Variants in DOK5 observed in about 807,000 individuals in gnomAD.
DOK5 encodes the protein docking protein 5.
A neutral mutation model predicts 43.3 loss-of-function variants in DOK5; 27 were observed. The observed-to-expected ratio is 0.62, with a 90% CI of 0.46 to 0.86. DOK5 has a LOEUF of 0.86. Ranked by LOEUF, DOK5 falls within the 40% of genes least tolerant of loss-of-function variation. The probability of loss-of-function intolerance (pLI) is 0.00; values close to 1 mark genes in which losing one functional copy is unlikely to be tolerated. For missense variants in DOK5, 373 were observed against 392.9 expected, an observed-to-expected ratio of 0.95 and a Z score of 0.43; for synonymous variants, 146 against 140.1, an observed-to-expected ratio of 1.04 and a Z score of -0.30.
intron 2 of DOK5, among the ~76,000 whole-genome samples, chr20:54,582,520 T>G (rs1363669670): frequency 6.6e-6 from 1 of 151,452 alleles, no homozygotes; most frequent in Non-Finnish European, 1.5e-5. Flanking sequence ...TCATGTGTAT[T>G]TCTTTGTTGG....
intron 6 of DOK5, among the ~76,000 whole-genome samples, chr20:54,614,983 T>G (rs1378020403): frequency 1.3e-5 from 2 of 152,250 alleles, no homozygotes; most frequent in Non-Finnish European, 2.9e-5. Flanking sequence ...AGGAATTGCC[T>G]TTATATGACT....
At chr20:54,616,659 T>TGGGCATAGCATATGTCCAC in intron 6 of DOK5, among the ~76,000 whole-genome samples, 1 of 152,310 alleles carries the variant, frequency 6.6e-6, no homozygotes, top group Middle Eastern at 3.4e-3. Context: ...GGTCAGGAGT[T>TGGGCATAGCATATGTCCAC]TTGGCATAGC....
chr20:54,611,045 G>A (rs1986635397), intron 6 of DOK5, among the ~76,000 whole-genome samples: 1 of 152,178 alleles, frequency 6.6e-6, no homozygotes, highest in South Asian at 2.1e-4. Flanking sequence ...CTGCTAGTTG[G>A]TAACTGTTGG....
chr20:54,581,748 T>G (rs1396182073), intron 2 of DOK5, among the ~76,000 whole-genome samples: 1 of 151,994 alleles, frequency 6.6e-6, no homozygotes. Context: ...ATCGTGCCAT[T>G]TTACTGAATT....
At chr20:54,634,438 T>C (rs1421494435) in intron 6 of DOK5, among the ~76,000 whole-genome samples, 1 of 53,336 alleles carries the variant, frequency 1.9e-5, no homozygotes, top group East Asian at 2.2e-4. Context: ...CATATCATGC[T>C]TTTTTTTTTT....
At chr20:54,616,991 C>T (rs998655480) in intron 6 of DOK5, among the ~76,000 whole-genome samples, 6 of 152,056 alleles carry the variant, frequency 3.9e-5, no homozygotes, top group African/African-American at 1.4e-4. Flanking sequence ...GGGGTTTCAC[C>T]TTGTTAGCCA....
chr20:54,606,354 T>C (rs1986468806), intron 5 of DOK5, among the ~76,000 whole-genome samples: 1 of 152,172 alleles, frequency 6.6e-6, no homozygotes, highest in Non-Finnish European at 1.5e-5. Flanking sequence ...TGGGGCCACT[T>C]TGGATACAGG....
chr20:54,523,033 C>A (rs1461892555), intron 1 of DOK5, among the ~76,000 whole-genome samples: 1 of 152,054 alleles, frequency 6.6e-6, no homozygotes, highest in Non-Finnish European at 1.5e-5. Flanking sequence ...AAAAGTATGT[C>A]TGGTACATAA....
chr20:54,498,190 G>T (rs528909416), intron 1 of DOK5, among the ~76,000 whole-genome samples: 44 of 152,104 alleles, frequency 2.9e-4, no homozygotes, highest in Non-Finnish European at 4.0e-4. Flanking sequence ...TTAGTGAGGC[G>T]GTGTTACTTT....
chr20:54,557,142 C>T (rs1226030060), intron 2 of DOK5, among the ~76,000 whole-genome samples: 1 of 152,052 alleles, frequency 6.6e-6, no homozygotes, highest in Admixed American at 6.6e-5. Flanking sequence ...AGAGTCTGTT[C>T]GAAACACTTA....
At position 54,545,128 on chromosome 20, in the gene DOK5, C is replaced by A. The variant is rs112778152; in HGVS notation, c.67-9805C>A. On this transcript the variant is annotated intron_variant, in intron 1 of 7. Coordinates refer to ENST00000262593, the MANE Select transcript of DOK5 (RefSeq NM_018431.5). Reference sequence around the variant, plus strand: ...CTAAGGGCAGTTTTGAGATTAAAGGCAAGATGAGGGCTGATTAGATCAAAT... The same window carrying A: ...CTAAGGGCAGTTTTGAGATTAAAGGAAAGATGAGGGCTGATTAGATCAAAT... Among the ~76,000 whole-genome samples, 234 of 152,272 alleles carry A rather than the reference C, an allele frequency of 1.5e-3. 1 individual carries two copies. Among genetic ancestry groups the A allele is most frequent in the African/African-American group, 3.6e-3 (149 of 41,556 alleles).
At chr20:54,539,132 A>G (rs1437557820) in intron 1 of DOK5, among the ~76,000 whole-genome samples, 1 of 152,044 alleles carries the variant, frequency 6.6e-6, no homozygotes, top group Non-Finnish European at 1.5e-5. Context: ...CTACTAAAAA[A>G]TACAAAAATT....
rs190723775 is a variant in DOK5, at chr20:54,608,975, T to G, written c.600-1413T>G. ...CAGGTGTGAGCCACCACACCCAAACTCCCTCTGTTTCTTCATACATGGCTC... is the reference window on the plus strand; with the variant it reads ...CAGGTGTGAGCCACCACACCCAAACGCCCTCTGTTTCTTCATACATGGCTC... On this transcript the variant is annotated intron_variant, in intron 5 of 7. Transcript: ENST00000262593. 4.6e-5 allele frequency among the ~76,000 whole-genome samples: 7 copies of G among 152,132 alleles called. No individual in the cohort carries two copies. In the East Asian group the frequency reaches 1.2e-3, roughly 25 times the overall value.
At chr20:54,552,981 T>C (rs1191997953) in intron 1 of DOK5, among the ~76,000 whole-genome samples, 1 of 152,228 alleles carries the variant, frequency 6.6e-6, no homozygotes, top group Non-Finnish European at 1.5e-5. Flanking sequence ...CCAAATATTT[T>C]ATGTAGACTT....
chr20:54,477,166 G>C (rs541605951), intron 1 of DOK5, among the ~76,000 whole-genome samples: 1 of 152,256 alleles, frequency 6.6e-6, no homozygotes, highest in South Asian at 2.1e-4. Flanking sequence ...GCTTTCTTTA[G>C]AAATATGTGT....
intron 1 of DOK5, among the ~76,000 whole-genome samples, chr20:54,494,118 C>G (rs2146671326): frequency 6.6e-6 from 1 of 152,274 alleles, no homozygotes; most frequent in East Asian, 1.9e-4. Flanking sequence ...GCTTGTCTCA[C>G]TTCTTGCTTT....
chr20:54,515,858 G>T (rs987877552), intron 1 of DOK5, among the ~76,000 whole-genome samples: 8 of 152,184 alleles, frequency 5.3e-5, no homozygotes, highest in African/African-American at 1.9e-4. Flanking sequence ...CTGGCCATCA[G>T]CCGGTTTTGC....
intron 6 of DOK5, among the ~76,000 whole-genome samples, chr20:54,625,577 T>C (rs945011941): frequency 2.6e-5 from 4 of 152,224 alleles, no homozygotes; most frequent in African/African-American, 9.6e-5. Flanking sequence ...TCCTATATCC[T>C]GGCTGGACAT....
chr20:54,580,691 T>A (rs1985611238), intron 2 of DOK5, among the ~76,000 whole-genome samples: 1 of 152,202 alleles, frequency 6.6e-6, no homozygotes, highest in Non-Finnish European at 1.5e-5. Flanking sequence ...AATAGACATT[T>A]GCCCATTTTA....
Sources: gnomAD v4.1 joint callset for allele counts (sites outside exome capture counted in the v4.1 genomes callset) on GRCh38, gnomAD v4.1.1 for gene constraint, MANE v1.5 for transcripts, NCBI Gene and HGNC (gene_info 2026-07-23, HGNC 2026-07-21) for gene names.